The following RNF212 variants were observed in gnomAD, a reference collection of about 807,000 sequenced individuals.
RNF212 encodes the protein probable E3 SUMO-protein ligase RNF212.
Under a neutral mutation model 34.7 loss-of-function variants are expected in RNF212, and 33 were observed. That is an observed-to-expected ratio of 0.95 (90% CI 0.72 to 1.27). The LOEUF is 1.27. Ranked by LOEUF, RNF212 falls within the 50% of genes most tolerant of loss-of-function variation. RNF212 has a pLI of 0.00. For missense variants in RNF212, 377 were observed against 362.2 expected, an observed-to-expected ratio of 1.04 and a Z score of -0.33; for synonymous variants, 140 against 136.1, an observed-to-expected ratio of 1.03 and a Z score of -0.20.
rs1393030116 is a variant in RNF212, at chr4:1,072,118, G to A, written c.*756C>T. The A allele has an allele frequency of 2.0e-5, 3 of 151,992 alleles. No individual in the cohort carries two copies. Among genetic ancestry groups the A allele is most frequent in the African/African-American group, 4.8e-5 (2 of 41,366 alleles). 9.4% of individuals were successfully genotyped at this position (151,992 alleles called of 1,614,324 possible). ...GAGCTAGCAAACCATGAGAAGAGATGGGGGAACCATAAGTGTGTATTGCTA... is the reference window on the plus strand; with the variant it reads ...GAGCTAGCAAACCATGAGAAGAGATAGGGGAACCATAAGTGTGTATTGCTA... On this transcript the variant is annotated 3_prime_UTR_variant, in exon 10 of 10. Transcript: ENST00000433731.
rs539610974 is a variant in RNF212, at chr4:1,101,124, C to A, written c.172-4285G>T. On this transcript the variant is annotated intron_variant, in intron 2 of 9. Coordinates refer to ENST00000433731, the MANE Select transcript of RNF212 (RefSeq NM_001131034.4). ...TTAACAGGAATTGAGTTGGTGTGAC[C>A]AGTATGAGCATTGGCAGATGCTCTT... 1.4e-3 allele frequency: 232 copies of A among 166,496 alleles called. 2 individuals carry two copies. Among genetic ancestry groups the A allele is most frequent in the Middle Eastern group, 6.4e-3 (2 of 312 alleles). 10.3% of individuals were successfully genotyped at this position (166,496 alleles called of 1,614,324 possible).
intron 1 of RNF212, among the ~76,000 whole-genome samples, chr4:1,109,898 G>T (rs1315523486): frequency 7.2e-5 from 11 of 152,118 alleles, no homozygotes; most frequent in African/African-American, 2.4e-4. Context: ...GGGTGAGGGG[G>T]TCCCCTTCTA....
intron 2 of RNF212, chr4:1,099,857 C>A (rs966563655): frequency 1.4e-4 from 64 of 456,104 alleles, no homozygotes; most frequent in Admixed American, 3.3e-4. Context: ...GTGCGGGATC[C>A]ACGGGGCTCT....
At chr4:1,081,699 A>G (rs773183887) in intron 5 of RNF212, 80 bp from the exon 6 acceptor site, 22 of 979,900 alleles carry the variant, frequency 2.2e-5, no homozygotes, top group South Asian at 5.4e-5. Context: ...AAAGTGTAAG[A>G]AGGCTCTGAA....
At chr4:1,106,209 G>A (rs1267024059) in intron 2 of RNF212, among the ~76,000 whole-genome samples, 1 of 151,798 alleles carries the variant, frequency 6.6e-6, no homozygotes, top group Non-Finnish European at 1.5e-5. Flanking sequence ...TTTAGAGAAA[G>A]AGAAGCAGGA....
intron 2 of RNF212, chr4:1,100,080 C>G: frequency 2.9e-6 from 1 of 349,866 alleles, no homozygotes; most frequent in East Asian, 7.6e-5. Flanking sequence ...CTTGGGGCGC[C>G]AGGCTTACAC....
In RNF212 at chr4:1,081,578, C is replaced by G. The variant is rs967754055; in HGVS notation, c.404G>C (p.Ser135Thr). The G allele has an allele frequency of 3.1e-6, 5 of 1,611,144 alleles. No individual in the cohort carries two copies. Among genetic ancestry groups the G allele is most frequent in the Non-Finnish European group, 4.2e-6 (5 of 1,177,412 alleles). The change falls in exon 6 of 10, where the codon AGT (serine) becomes ACT (threonine). Residue 135 changes from serine to threonine, a missense_variant. Physicochemically the swap from Ser to Thr is moderately conservative, Grantham distance 58. Transcript: ENST00000433731. The stretch of plus-strand genomic sequence containing the variant: ...ATGATTTTACTTACTTGAAACTGAA[C>G]TTTTTATTGTGCTGAAAGCTGTTTG... ...SQQTAFSTIK[S>T]SVSTKPHGCL... is the part of the protein sequence containing the mutation.
intron 8 of RNF212, among the ~76,000 whole-genome samples, chr4:1,078,290 C>T (rs1719666502): frequency 6.6e-6 from 1 of 152,212 alleles, no homozygotes; most frequent in Non-Finnish European, 1.5e-5. Flanking sequence ...CCCTCCTGCC[C>T]CACAGGCTTC....
chr4:1,107,714 T>C (rs936069751), intron 2 of RNF212, among the ~76,000 whole-genome samples: 1 of 152,218 alleles, frequency 6.6e-6, no homozygotes, highest in African/African-American at 2.4e-5. Flanking sequence ...CCTCCCAAAG[T>C]GCTGGGATTA....
intron 3 of RNF212, among the ~76,000 whole-genome samples, chr4:1,061,235 C>T (rs1717730144): frequency 1.3e-5 from 2 of 152,188 alleles, no homozygotes; most frequent in South Asian, 4.1e-4. Flanking sequence ...CTACCCCACT[C>T]TACCCAGCAA....
intron 5 of RNF212, among the ~76,000 whole-genome samples, chr4:1,084,829 C>T (rs1186185554): frequency 6.6e-6 from 1 of 152,024 alleles, no homozygotes; most frequent in Non-Finnish European, 1.5e-5. Context: ...CTGGAACACA[C>T]CCTTCACAAC....
At chr4:1,077,830 GGGA>G (rs1240799118) in intron 8 of RNF212, among the ~76,000 whole-genome samples, 5 of 152,210 alleles carry the variant, frequency 3.3e-5, no homozygotes, top group Non-Finnish European at 5.9e-5. Context: ...CAGTTGCCTA[GGGA>G]GGAGGTGCAC....
rs1725107651 is a variant in RNF212, at chr4:1,108,152, T to C, written c.171+191A>G. On this transcript the variant is annotated intron_variant, in intron 2 of 9. Transcript: ENST00000433731. ...ACAACCTAGGAATAAGGTCAATCTA[T>C]AGCTAAGAAAGTTTTAAAAATTAAG... 2.0e-5 allele frequency among the ~76,000 whole-genome samples: 3 copies of C among 152,234 alleles called. No individual in the cohort carries two copies. The South Asian group carries it at 6.2e-4, about 32-fold the overall frequency.
At chr4:1,095,614 C>A (rs1179897295) in intron 3 of RNF212, among the ~76,000 whole-genome samples, 1 of 89,142 alleles carries the variant, frequency 1.1e-5, no homozygotes, top group Non-Finnish European at 2.1e-5. Flanking sequence ...TGGCTCATCA[C>A]AGAACCAAGC....
At chr4:1,078,057 C>A (rs78629599) in intron 8 of RNF212, among the ~76,000 whole-genome samples, 2,489 of 152,202 alleles carry the variant, frequency 0.016, 62 homozygotes, top group African/African-American at 0.056. Context: ...ACTCCGGGTC[C>A]CTCCATCATC....
downstream of RNF212, among the ~76,000 whole-genome samples, chr4:1,068,873 A>C (rs1032315460): frequency 1.2e-4 from 18 of 152,234 alleles, no homozygotes; most frequent in Non-Finnish European, 2.2e-4. Context: ...CATGTCTGGG[A>C]GGATTTTAGC....
chr4:1,076,285 G>A (rs370853206), intron 8 of RNF212, among the ~76,000 whole-genome samples: 11 of 152,180 alleles, frequency 7.2e-5, no homozygotes, highest in African/African-American at 2.7e-4. Flanking sequence ...CAAGGGTGGA[G>A]GAGGAAGGAA....
chr4:1,067,635 T>C (rs1718172585), downstream of RNF212, among the ~76,000 whole-genome samples: 1 of 151,482 alleles, frequency 6.6e-6, no homozygotes, highest in South Asian at 2.1e-4. Flanking sequence ...AAGGCTGAGG[T>C]GGATGGATGG....
chr4:1,103,051 C>A (rs1338560048), intron 2 of RNF212, among the ~76,000 whole-genome samples: 2 of 151,448 alleles, frequency 1.3e-5, no homozygotes, highest in Non-Finnish European at 2.9e-5. Flanking sequence ...TTCATAATAC[C>A]CACTGTTAAA....
Sources: gnomAD v4.1 joint callset for allele counts (sites outside exome capture counted in the v4.1 genomes callset) on GRCh38, gnomAD v4.1.1 for gene constraint, MANE v1.5 for transcripts, NCBI Gene and HGNC (gene_info 2026-07-23, HGNC 2026-07-21) for gene names.